LDLRAD4: variants seen among roughly 807,000 people sequenced by gnomAD.
LDLRAD4 encodes the protein low density lipoprotein receptor class A domain containing 4.
A neutral mutation model predicts 17.0 loss-of-function variants in LDLRAD4; 5 were observed. That is an observed-to-expected ratio of 0.29 (90% CI 0.15 to 0.62). The LOEUF (loss-of-function observed/expected upper bound fraction) is 0.62, where lower values mean the gene tolerates loss of function less well. Ranked by LOEUF, LDLRAD4 falls within the 20% of genes least tolerant of loss-of-function variation. The probability of loss-of-function intolerance (pLI) is 0.84; values close to 1 mark genes in which losing one functional copy is unlikely to be tolerated. For missense variants in LDLRAD4, 340 were observed against 424.7 expected (o/e 0.80, Z 1.75); for synonymous variants, 168 against 171.8 (o/e 0.98, Z 0.17).
At chr18:13,403,803 G>T in intron 2 of LDLRAD4, among the ~76,000 whole-genome samples, 1 of 152,246 alleles carries the variant, frequency 6.6e-6, no homozygotes. Context: ...ACCTCTAAAA[G>T]AAAGGGCATG....
chr18:13,647,718 TAAAAG>T (rs775739798), exon 6 of LDLRAD4: 65 of 152,208 alleles, frequency 4.3e-4, no homozygotes, highest in Middle Eastern at 3.1e-3. Flanking sequence ...GTCCAACTCT[TAAAAG>T]GAGAGAGGAA....
chr18:13,467,931 C>A (rs2092668987), intron 3 of LDLRAD4, among the ~76,000 whole-genome samples: 1 of 152,118 alleles, frequency 6.6e-6, no homozygotes. Flanking sequence ...CAACTGGGTT[C>A]CTGCATCAAA....
chr18:13,234,086 C>G (rs1289662952), intron 1 of LDLRAD4, among the ~76,000 whole-genome samples: 1 of 152,250 alleles, frequency 6.6e-6, no homozygotes, highest in Admixed American at 6.5e-5. Flanking sequence ...ACTGTCACCA[C>G]CAGCAGTGCT....
intron 1 of LDLRAD4, among the ~76,000 whole-genome samples, chr18:13,368,925 C>A (rs1204653943): frequency 6.6e-6 from 1 of 152,206 alleles, no homozygotes; most frequent in Non-Finnish European, 1.5e-5. Context: ...ATGGACTCAG[C>A]GGTCCTGGCC....
At chr18:13,285,732 G>A (rs1298472025) in intron 1 of LDLRAD4, among the ~76,000 whole-genome samples, 3 of 152,044 alleles carry the variant, frequency 2.0e-5, no homozygotes, top group African/African-American at 7.2e-5. Flanking sequence ...TGAAACTCGG[G>A]GGTTGTGGTA....
chr18:13,520,685 TCTACTAAAAATTAAAAAATTA>T (rs2093939686), intron 3 of LDLRAD4: 1 of 152,164 alleles, frequency 6.6e-6, no homozygotes, highest in African/African-American at 2.4e-5. Flanking sequence ...AGACCTCGTC[TCTACTAAAAATTAAAAAATTA>T]GCTGGGCATG....
intron 1 of LDLRAD4, among the ~76,000 whole-genome samples, chr18:13,327,143 G>A (rs1410279766): frequency 4.0e-5 from 6 of 151,896 alleles, no homozygotes; most frequent in African/African-American, 4.8e-5. Flanking sequence ...TGGACTCTGC[G>A]GCAGAGTCCT....
chr18:13,252,812 C>T (rs563252028), intron 1 of LDLRAD4, among the ~76,000 whole-genome samples: 48 of 152,370 alleles, frequency 3.2e-4, no homozygotes, highest in African/African-American at 1.1e-3. Context: ...GCTGTTTCTG[C>T]GCAGGGATGT....
chr18:13,337,827 C>T (rs752658873), intron 1 of LDLRAD4, among the ~76,000 whole-genome samples: 9 of 151,680 alleles, frequency 5.9e-5, no homozygotes, highest in Non-Finnish European at 1.3e-4. Flanking sequence ...TGCCACTGCT[C>T]TCCAGTCTGG....
At chr18:13,568,602 G>A (rs2094639346) in intron 3 of LDLRAD4, among the ~76,000 whole-genome samples, 2 of 152,124 alleles carry the variant, frequency 1.3e-5, no homozygotes, top group Admixed American at 6.6e-5. Context: ...GAACCTCACC[G>A]TAAGGCCACA....
At chr18:13,547,998 G>C (rs949593558) in intron 3 of LDLRAD4, among the ~76,000 whole-genome samples, 7 of 152,214 alleles carry the variant, frequency 4.6e-5, no homozygotes, top group Admixed American at 1.3e-4. Flanking sequence ...GGGTGAGCAA[G>C]TCAAAGAGGT....
chr18:13,628,196 G>A (rs542680100), intron 4 of LDLRAD4, among the ~76,000 whole-genome samples: 3 of 152,340 alleles, frequency 2.0e-5, no homozygotes, highest in Non-Finnish European at 2.9e-5. Flanking sequence ...TGTGGAAAAC[G>A]ATGGAAAGGA....
chr18:13,460,692 C>A (rs372263131), intron 3 of LDLRAD4, among the ~76,000 whole-genome samples: 2 of 152,180 alleles, frequency 1.3e-5, no homozygotes. Flanking sequence ...ACAGTTCATA[C>A]CTCCTGAGTT....
At chr18:13,386,869 G>A (rs1446628709) in intron 1 of LDLRAD4, among the ~76,000 whole-genome samples, 1 of 151,916 alleles carries the variant, frequency 6.6e-6, no homozygotes, top group African/African-American at 2.4e-5. Context: ...CAGCCTGGGC[G>A]GCTTAGTGAG....
chr18:13,284,409 C>T (rs193012261), intron 1 of LDLRAD4, among the ~76,000 whole-genome samples: 4 of 152,232 alleles, frequency 2.6e-5, no homozygotes, highest in Admixed American at 6.5e-5. Flanking sequence ...AATACTTTGA[C>T]GCTTTGCTTT....
chr18:13,527,644 T>C (rs891321580), intron 3 of LDLRAD4, among the ~76,000 whole-genome samples: 5 of 152,172 alleles, frequency 3.3e-5, no homozygotes, highest in Admixed American at 6.5e-5. Flanking sequence ...GCCACATGCA[T>C]GGCTACTTGG....
intron 1 of LDLRAD4, among the ~76,000 whole-genome samples, chr18:13,369,472 C>T (rs766406239): frequency 3.9e-5 from 6 of 151,974 alleles, no homozygotes; most frequent in African/African-American, 1.5e-4. Flanking sequence ...GCACTGTGGG[C>T]GTCTGCTGGT....
intron 2 of LDLRAD4, chr18:13,427,513 C>T (rs760289461): frequency 6.6e-5 from 10 of 152,550 alleles, no homozygotes; most frequent in Admixed American, 2.0e-4. Context: ...ACCCAGTTCT[C>T]AGGGTGCCGG....
At chr18:13,470,641 G>A (rs1360425876) in intron 3 of LDLRAD4, among the ~76,000 whole-genome samples, 2 of 150,568 alleles carry the variant, frequency 1.3e-5, no homozygotes. Flanking sequence ...ATGCTGGGAT[G>A]TGTTGCGGGA....
Sources: allele counts gnomAD v4.1 joint callset (sites outside exome capture counted in the v4.1 genomes callset), GRCh38; gene constraint gnomAD v4.1.1; transcripts MANE v1.5; gene names NCBI Gene and HGNC (gene_info 2026-07-23, HGNC 2026-07-21).